The following TNS1 variants were observed in gnomAD, a reference collection of about 807,000 sequenced individuals.
TNS1 encodes the protein tensin 1.
Under a neutral mutation model 168.6 loss-of-function variants are expected in TNS1, and 62 were observed. The ratio of observed to expected loss-of-function variants is 0.37; its 90% CI spans 0.30 to 0.45. The LOEUF (loss-of-function observed/expected upper bound fraction) is 0.45, where lower values mean the gene tolerates loss of function less well. Among genes scored for constraint, TNS1 ranks in the 20% least tolerant of loss-of-function variants. TNS1 has a pLI of 1.00. For missense variants in TNS1, 2,240 were observed against 2,339.4 expected (o/e 0.96, Z 0.88); for synonymous variants, 934 against 933.2 (o/e 1.00, Z -0.02).
chr2:217,821,833 C>A lies in TNS1; in HGVS notation c.3479G>T (p.Gly1160Val). 1 of 1,581,850 alleles carries A rather than the reference C, an allele frequency of 6.3e-7. No individual in the cohort carries two copies. The highest frequency in any genetic ancestry group is 8.6e-7 in the Non-Finnish European group (1 of 1,166,306). ...CCCGTTCCTCAGGGGTATCTCATGGCCATAGGCCTGGGTGGCTGGAGCACT... is the reference window on the plus strand; with the variant it reads ...CCCGTTCCTCAGGGGTATCTCATGGACATAGGCCTGGGTGGCTGGAGCACT... ...SFSAPATQAYGHEIPLRNGTL... is the reference protein window; with the variant it reads ...SFSAPATQAYVHEIPLRNGTL... Residue 1160 changes from glycine to valine, a missense_variant, in exon 23 of 33, where the codon GGC becomes GTC. Coordinates refer to ENST00000682258, the MANE Select transcript of TNS1 (RefSeq NM_001387777.1).
chr2:217,944,436 G>T (rs1313878753), intron 3 of TNS1, among the ~76,000 whole-genome samples: 1 of 152,210 alleles, frequency 6.6e-6, no homozygotes, highest in African/African-American at 2.4e-5. Flanking sequence ...AATGGCCAAA[G>T]GGCTTCTGGG....
At chr2:218,005,332 C>T (rs1958648889), upstream of TNS1, among the ~76,000 whole-genome samples, 2 of 152,194 alleles carry the variant, frequency 1.3e-5, no homozygotes, top group African/African-American at 4.8e-5. Flanking sequence ...CCTGCTGCTT[C>T]CCCAGACTCC....
intron 23 of TNS1, among the ~76,000 whole-genome samples, chr2:217,818,998 C>T (rs1012181086): frequency 6.6e-6 from 1 of 152,216 alleles, no homozygotes; most frequent in African/African-American, 2.4e-5. Flanking sequence ...ACCAGGGTTT[C>T]AACTTAGCTG....
intron 2 of TNS1, among the ~76,000 whole-genome samples, chr2:217,980,504 CACAGAGAGAGAGAGAG>C (rs1471564291): frequency 3.8e-5 from 5 of 131,232 alleles, no homozygotes; most frequent in African/African-American, 5.7e-5. Flanking sequence ...CCTACACACA[CACAGAGAGAGAGAGAG>C]AGAGAGAGAG....
At chr2:217,830,409 T>A in intron 22 of TNS1, 1 of 1,613,744 alleles carries the variant, frequency 6.2e-7, no homozygotes, top group East Asian at 2.2e-5. Flanking sequence ...AAAAGTAAAG[T>A]TGACCCCAAT....
At chr2:218,007,483 A>G (rs1420958550), upstream of TNS1, among the ~76,000 whole-genome samples, 2 of 141,936 alleles carry the variant, frequency 1.4e-5, no homozygotes, top group East Asian at 4.2e-4. Context: ...CCACCCCAGG[A>G]CTAGGGGCTA....
intron 3 of TNS1, 115 bp downstream of exon 3, chr2:217,978,650 G>A: frequency 1.6e-6 from 1 of 626,102 alleles, no homozygotes; most frequent in Non-Finnish European, 2.9e-6. Context: ...ACAAAGAGAG[G>A]AGGAGGGACG....
intron 21 of TNS1, among the ~76,000 whole-genome samples, chr2:217,831,794 C>A (rs1944462289): frequency 6.6e-6 from 1 of 152,168 alleles, no homozygotes; most frequent in South Asian, 2.1e-4. Flanking sequence ...CTGGCCCCAA[C>A]CTTGAGAGAA....
At chr2:217,817,539 T>C in intron 24 of TNS1, 151 bp downstream of exon 24, 1 of 660,230 alleles carries the variant, frequency 1.5e-6, no homozygotes, top group Admixed American at 2.9e-5. Flanking sequence ...CAACTCTCTT[T>C]ATACGGATAA....
chr2:217,905,886 A>T (rs1953622494), intron 6 of TNS1, among the ~76,000 whole-genome samples: 1 of 152,300 alleles, frequency 6.6e-6, no homozygotes, highest in Non-Finnish European at 1.5e-5. Flanking sequence ...CTGAACCAAT[A>T]GCATCTAAGC....
intron 6 of TNS1, among the ~76,000 whole-genome samples, chr2:217,904,903 TGCCAAAGGTTA>T (rs1389033628): frequency 6.6e-6 from 1 of 152,132 alleles, no homozygotes; most frequent in Non-Finnish European, 1.5e-5. Flanking sequence ...CCTGTCCCCT[TGCCAAAGGTTA>T]GCAGTTCAGG....
At chr2:217,973,346 A>G (rs552280979) in intron 3 of TNS1, among the ~76,000 whole-genome samples, 5 of 149,334 alleles carry the variant, frequency 3.3e-5, no homozygotes, top group African/African-American at 1.2e-4. Flanking sequence ...GCCCTGGGCA[A>G]CAGAGTGAGA....
At chr2:217,844,682 G>A (rs1488527725) in intron 19 of TNS1, among the ~76,000 whole-genome samples, 1 of 152,146 alleles carries the variant, frequency 6.6e-6, no homozygotes, top group Non-Finnish European at 1.5e-5. Flanking sequence ...CTCCTGCAGA[G>A]CTTTCTCCTT....
chr2:217,921,590 G>A (rs79570233), intron 3 of TNS1, among the ~76,000 whole-genome samples: 142 of 152,328 alleles, frequency 9.3e-4, no homozygotes, highest in Non-Finnish European at 3.2e-4. Flanking sequence ...GTGGCTGGGA[G>A]TTGGCATTCC....
In TNS1 at chr2:217,978,754, C is replaced by T. The variant is rs1187917527; in HGVS notation, c.186+11G>A. On this transcript the variant is annotated intron_variant, in intron 3 of 32. Transcript: ENST00000682258. ...AAGTCCTCCCGGGCCCGCCAGCCCGCGGCCCCTTACCTTGGCCTGGCATTT... is the reference window on the plus strand; with the variant it reads ...AAGTCCTCCCGGGCCCGCCAGCCCGTGGCCCCTTACCTTGGCCTGGCATTT... The T allele has an allele frequency of 1.4e-6, 1 of 702,256 alleles. No individual in the cohort carries two copies. Among genetic ancestry groups the T allele is most frequent in the Admixed American group, 2.0e-5 (1 of 49,988 alleles). The allele number at this position is 702,256 out of a possible 1,614,324, so 43.5% of individuals were successfully genotyped here.
chr2:217,804,276 C>CTCTT lies in TNS1; in HGVS notation c.*182_*183insAAGA, dbSNP rs1937975999. The stretch of plus-strand genomic sequence containing the variant: ...CATCTTTCTCTCTCTCTCTCTCTCT[C>CTCTT]TCTCTCTCTCTCTTTTCCCCCTCCC... On this transcript the variant is annotated 3_prime_UTR_variant, in exon 33 of 33. Transcript: ENST00000682258. 1 of 657,092 alleles carries CTCTT rather than the reference C, an allele frequency of 1.5e-6. No homozygotes were observed. Among genetic ancestry groups the CTCTT allele is most frequent in the Admixed American group, 3.0e-5 (1 of 33,010 alleles). 40.7% of individuals were successfully genotyped at this position (657,092 alleles called of 1,614,324 possible).
chr2:217,955,511 C>T lies in TNS1; in HGVS notation c.186+23254G>A, dbSNP rs111958232. Among the ~76,000 whole-genome samples the T allele has an allele frequency of 1.3e-3, 195 of 152,206 alleles. 1 individual carries two copies. Among genetic ancestry groups the T allele is most frequent in the African/African-American group, 4.3e-3 (178 of 41,520 alleles). On this transcript the variant is annotated intron_variant, in intron 3 of 32. Coordinates refer to ENST00000682258, the MANE Select transcript of TNS1 (RefSeq NM_001387777.1). ...TGGGCCCAAACACAAGCCTTCCTCC[C>T]GCACAGTGCCCGTCCACCACCAGTC...
In TNS1 at chr2:217,986,173, C is replaced by A. The variant is rs1365668346; in HGVS notation, c.148+4769G>T. Among the ~76,000 whole-genome samples, 2 of 152,186 alleles carry A rather than the reference C, an allele frequency of 1.3e-5. No individual in the cohort carries two copies. Among genetic ancestry groups the A allele is most frequent in the African/African-American group, 4.8e-5 (2 of 41,452 alleles). ...GAAACCCAGGGTCTTCCCACCCTACCAGGCTACCTCTGGTGGCTCCAAGGA... is the reference window on the plus strand; with the variant it reads ...GAAACCCAGGGTCTTCCCACCCTACAAGGCTACCTCTGGTGGCTCCAAGGA... On this transcript the variant is annotated intron_variant, in intron 2 of 32. Transcript: ENST00000682258. This position sits in a 1 kb window ranked among gnomAD's most constrained non-coding sequence, Gnocchi z 4.7.
intron 19 of TNS1, among the ~76,000 whole-genome samples, chr2:217,843,968 C>T (rs1449986719): frequency 6.6e-6 from 1 of 152,164 alleles, no homozygotes; most frequent in Non-Finnish European, 1.5e-5. Flanking sequence ...ATGTCTCTCC[C>T]TGGAGGCTCC....
Sources: allele counts gnomAD v4.1 joint callset (sites outside exome capture counted in the v4.1 genomes callset), GRCh38; gene constraint gnomAD v4.1.1; non-coding constraint Gnocchi (gnomAD v3.1); transcripts MANE v1.5; gene names NCBI Gene and HGNC (gene_info 2026-07-23, HGNC 2026-07-21).